NELL1: variants seen among roughly 807,000 people sequenced by gnomAD.
NELL1 encodes protein kinase C-binding protein NELL1.
A neutral mutation model predicts 107.4 loss-of-function variants in NELL1; 76 were observed. The ratio of observed to expected loss-of-function variants is 0.71; its 90% CI spans 0.59 to 0.86. The LOEUF (loss-of-function observed/expected upper bound fraction) is 0.86. Ranked by LOEUF, NELL1 falls within the 40% of genes least tolerant of loss-of-function variation. The pLI, the probability that NELL1 is intolerant of heterozygous loss-of-function variation, is 0.00. For missense variants in NELL1, 1,024 were observed against 1,005.5 expected, an observed-to-expected ratio of 1.02 and a Z score of -0.25; for synonymous variants, 353 against 341.2, an observed-to-expected ratio of 1.03 and a Z score of -0.38.
intron 13 of NELL1, among the ~76,000 whole-genome samples, chr11:21,212,880 A>G (rs911662755): frequency 6.6e-5 from 10 of 152,242 alleles, no homozygotes; most frequent in African/African-American, 1.9e-4. Context: ...GGCAGCAAAA[A>G]GAAATAAGCT....
chr11:20,750,061 A>C (rs7110071), intron 2 of NELL1, among the ~76,000 whole-genome samples: 5,264 of 152,282 alleles, frequency 0.035, 300 homozygotes, highest in African/African-American at 0.12. Context: ...CCTATCATTA[A>C]TGTATAGGAG....
intron 2 of NELL1, among the ~76,000 whole-genome samples, chr11:20,766,850 C>A (rs960526278): frequency 6.6e-6 from 1 of 151,470 alleles, no homozygotes; most frequent in African/African-American, 2.4e-5. Context: ...TCAAGTGATT[C>A]TCCTGCCTCA....
At chr11:21,260,254 A>G (rs954916315) in intron 14 of NELL1, 1 of 150,466 alleles carries the variant, frequency 6.6e-6, no homozygotes, top group African/African-American at 2.5e-5. Context: ...TAACAAGGTA[A>G]TAGGTAAGTG....
At chr11:21,423,528 T>C (rs1414344420) in intron 15 of NELL1, among the ~76,000 whole-genome samples, 1 of 152,118 alleles carries the variant, frequency 6.6e-6, no homozygotes, top group Non-Finnish European at 1.5e-5. Flanking sequence ...TCTAAAATCA[T>C]GATTGGAGAC....
rs975156604 is a variant in NELL1 at position 20,919,310 on chromosome 11, G to A, written c.735G>A (p.Glu245=). Residue 245 remains glutamate (E), a synonymous_variant, in exon 7 of 20, where the codon GAG becomes GAA. Coordinates refer to ENST00000357134, the MANE Select transcript of NELL1 (RefSeq NM_006157.5). Reference sequence around the variant, plus strand: ...TGCAAGGAATAATGGATTTACAAGAGCTTTTGGCCAAGATGACTGCAAAAG... The same window carrying A: ...TGCAAGGAATAATGGATTTACAAGAACTTTTGGCCAAGATGACTGCAAAAG... The part of the protein sequence containing the change: ...SLVQGIMDLQ[E]LLAKMTAKLN... 10 of 1,605,374 alleles carry A rather than the reference G, an allele frequency of 6.2e-6. No individual in the cohort carries two copies. Among genetic ancestry groups the A allele is most frequent in the Non-Finnish European group, 8.5e-6 (10 of 1,174,694 alleles).
At chr11:21,129,570 C>T in intron 13 of NELL1, among the ~76,000 whole-genome samples, 1 of 152,002 alleles carries the variant, frequency 6.6e-6, no homozygotes, top group Non-Finnish European at 1.5e-5. Flanking sequence ...GAATATTATT[C>T]CGTTTTAAAA....
intron 14 of NELL1, among the ~76,000 whole-genome samples, chr11:21,360,716 A>G (rs1365284927): frequency 6.6e-6 from 1 of 151,944 alleles, no homozygotes; most frequent in African/African-American, 2.4e-5. Flanking sequence ...CTTCATCTTT[A>G]TATAATGTTC....
intron 14 of NELL1, among the ~76,000 whole-genome samples, chr11:21,304,398 C>T (rs1362311833): frequency 6.6e-6 from 1 of 151,976 alleles, no homozygotes; most frequent in Non-Finnish European, 1.5e-5. Flanking sequence ...ACCCTGGTCC[C>T]TTTGACTCCG....
chr11:21,481,917 C>T (rs1425829683), intron 15 of NELL1, among the ~76,000 whole-genome samples: 3 of 152,104 alleles, frequency 2.0e-5, no homozygotes, highest in South Asian at 2.1e-4. Flanking sequence ...AAAGCAGGCC[C>T]TGCTTTTAGG....
At chr11:21,181,378 G>T (rs1856823244) in intron 13 of NELL1, among the ~76,000 whole-genome samples, 1 of 150,852 alleles carries the variant, frequency 6.6e-6, no homozygotes, top group African/African-American at 2.5e-5. Flanking sequence ...ATTTACTCAG[G>T]GGATATTTAT....
intron 15 of NELL1, among the ~76,000 whole-genome samples, chr11:21,477,111 G>A (rs1200656525): frequency 1.3e-5 from 2 of 152,142 alleles, no homozygotes; most frequent in Non-Finnish European, 2.9e-5. Context: ...GATGTAGTGA[G>A]ACACCAGCTT....
At chr11:20,903,718 A>G (rs1484421356) in intron 5 of NELL1, among the ~76,000 whole-genome samples, 3 of 152,120 alleles carry the variant, frequency 2.0e-5, no homozygotes, top group African/African-American at 7.2e-5. Flanking sequence ...TTAAAACACA[A>G]GTAGCTGGAT....
chr11:20,732,824 C>G (rs1183780749), intron 2 of NELL1, among the ~76,000 whole-genome samples: 8 of 152,050 alleles, frequency 5.3e-5, no homozygotes, highest in African/African-American at 1.9e-4. Context: ...GAGGCATGGG[C>G]TTTTGTATCA....
intron 2 of NELL1, among the ~76,000 whole-genome samples, chr11:20,682,479 A>G (rs34142939): frequency 0.084 from 12,773 of 152,104 alleles, 693 homozygotes; most frequent in Non-Finnish European, 0.11. Flanking sequence ...AATTTGTAGT[A>G]ATTGATATGT....
chr11:21,059,560 G>GA (rs1420699413), intron 12 of NELL1, among the ~76,000 whole-genome samples: 1 of 152,050 alleles, frequency 6.6e-6, no homozygotes, highest in Non-Finnish European at 1.5e-5. Flanking sequence ...CCAAGCCATA[G>GA]AAAAATTGGT....
intron 14 of NELL1, among the ~76,000 whole-genome samples, chr11:21,348,541 T>C (rs968998114): frequency 2.6e-5 from 4 of 152,208 alleles, no homozygotes; most frequent in African/African-American, 9.6e-5. Context: ...TTTCTTGATT[T>C]ATAATGTTTG....
chr11:21,191,554 T>C (rs1414504668), intron 13 of NELL1, among the ~76,000 whole-genome samples: 1 of 151,926 alleles, frequency 6.6e-6, no homozygotes, highest in Non-Finnish European at 1.5e-5. Flanking sequence ...CTATTTTTGG[T>C]AATTTGTTAC....
intron 15 of NELL1, among the ~76,000 whole-genome samples, chr11:21,503,056 T>A (rs1855185267): frequency 1.3e-5 from 2 of 152,210 alleles, no homozygotes; most frequent in South Asian, 4.1e-4. Context: ...TAATTTTGTA[T>A]TTTTAGTAGA....
chr11:21,554,268 A>G (rs1017142811), intron 16 of NELL1, among the ~76,000 whole-genome samples: 3 of 151,876 alleles, frequency 2.0e-5, no homozygotes, highest in Admixed American at 6.6e-5. Context: ...TGTACATCCT[A>G]TAAATAAAAT....
Sources: allele counts gnomAD v4.1 joint callset (sites outside exome capture counted in the v4.1 genomes callset), GRCh38; gene constraint gnomAD v4.1.1; transcripts MANE v1.5; gene names NCBI Gene and HGNC (gene_info 2026-07-23, HGNC 2026-07-21).